DYNC2I2: variants seen among roughly 807,000 people sequenced by gnomAD.
DYNC2I2 encodes dynein 2 intermediate chain 2, also known as cytoplasmic dynein 2 intermediate chain 2.
A neutral mutation model predicts 52.0 loss-of-function variants in DYNC2I2; 39 were observed. The ratio of observed to expected loss-of-function variants is 0.75; its 90% CI spans 0.58 to 0.98. The LOEUF (loss-of-function observed/expected upper bound fraction) is 0.98. DYNC2I2 is among the 50% of genes least tolerant of loss of function. The probability of loss-of-function intolerance (pLI) is 0.00; values close to 1 mark genes in which losing one functional copy is unlikely to be tolerated. For missense variants in DYNC2I2, 743 were observed against 728.4 expected, an observed-to-expected ratio of 1.02 and a Z score of -0.23; for synonymous variants, 359 against 321.1, an observed-to-expected ratio of 1.12 and a Z score of -1.26.
rs1228119429 is a variant in DYNC2I2 at position 128,636,942 on chromosome 9, G to A, written c.521C>T (p.Ser174Phe). ...CCGGCCGTAGGCACAGGCCACCACA[G>A]AGCCAGTGGAGTTCCAGGAGATGCT... The part of the protein sequence containing the change: ...VTSISWNSTG[S>F]VVACAYGRLD... Residue 174 changes from serine to phenylalanine, a missense_variant, in exon 3 of 9, where the codon TCT becomes TTT. By Grantham distance (155) the Ser-to-Phe change is radical. Transcript: ENST00000372715. The A allele has an allele frequency of 6.2e-7, 1 of 1,613,036 alleles. No individual in the cohort carries two copies. Among genetic ancestry groups the A allele is most frequent in the Non-Finnish European group, 8.5e-7 (1 of 1,179,974 alleles).
the DYNC2I2 span, among the ~76,000 whole-genome samples, chr9:128,669,254 A>G: frequency 1.3e-5 from 2 of 151,912 alleles, no homozygotes; most frequent in Non-Finnish European, 2.9e-5. Context: ...AGTCCCAGCT[A>G]CTCGGGAGGC....
the DYNC2I2 span, chr9:128,684,150 G>T: frequency 1.5e-6 from 1 of 669,950 alleles, no homozygotes; most frequent in East Asian, 2.8e-5. Flanking sequence ...GATTAAGTTT[G>T]CGTGAAGAAC....
rs1391779366 is a variant in DYNC2I2, at chr9:128,655,528, G to A, written c.186+1013C>T. Among the ~76,000 whole-genome samples the A allele has an allele frequency of 2.8e-5, 4 of 141,944 alleles. No individual in the cohort carries two copies. The East Asian group carries it at 8.6e-4, about 30-fold the overall frequency. 93.1% of individuals were successfully genotyped at this position (141,944 alleles called of 152,430 possible). On this transcript the variant is annotated intron_variant, in intron 1 of 8. Transcript: ENST00000372715. ...TCCGTCTCCAAAAAAAAAAAAAAGA[G>A]AAAGAAACCAAGTAGCGCCGAAACC... is the stretch of plus-strand genomic sequence containing the variant.
chr9:128,635,467 AGAG>A, intron 5 of DYNC2I2, 188 bp downstream of exon 5: 1 of 801,274 alleles, frequency 1.2e-6, no homozygotes, highest in East Asian at 2.7e-5. Flanking sequence ...CGGTGCCTGC[AGAG>A]GAGGCTGGGA....
the DYNC2I2 span, among the ~76,000 whole-genome samples, chr9:128,679,841 C>T: frequency 1.3e-5 from 2 of 151,710 alleles, no homozygotes; most frequent in African/African-American, 4.8e-5. Context: ...GGAGGGAGAC[C>T]CTATCTCAAA....
At chr9:128,656,906 T>C, upstream of DYNC2I2, 2 of 633,294 alleles carry the variant, frequency 3.2e-6, no homozygotes, top group Non-Finnish European at 4.8e-6. Flanking sequence ...GAGAGAAGCA[T>C]GACCGGTTTT....
the DYNC2I2 span, among the ~76,000 whole-genome samples, chr9:128,670,501 G>C: frequency 1.3e-5 from 2 of 151,616 alleles, no homozygotes; most frequent in African/African-American, 4.8e-5. Flanking sequence ...ACTTTGGGAG[G>C]CTGAGGCGGG....
intron 1 of DYNC2I2, among the ~76,000 whole-genome samples, chr9:128,656,217 A>C (rs932172507): frequency 1.3e-5 from 2 of 152,006 alleles, no homozygotes; most frequent in Admixed American, 6.6e-5. Context: ...TCAAAAAAAA[A>C]AACACAAAAC....
Position 128,640,097 on chromosome 9 carries a change from T to A in DYNC2I2, c.435+594A>T, listed in dbSNP as rs565204772. 2.1e-5 allele frequency among the ~76,000 whole-genome samples: 3 copies of A among 141,788 alleles called. No homozygotes were observed. In the South Asian group the frequency reaches 7.0e-4, roughly 33 times the overall value. The allele number at this position is 141,788 out of a possible 152,430, so 93.0% of individuals were successfully genotyped here. On this transcript the variant is annotated intron_variant, in intron 2 of 8. Coordinates refer to ENST00000372715, the MANE Select transcript of DYNC2I2 (RefSeq NM_052844.4). Reference sequence around the variant, plus strand: ...ACCTCAGCTCACTGCAAGCTCCACCTCCCGGGCTCACGCCATTCTCCTGCC... The same window carrying A: ...ACCTCAGCTCACTGCAAGCTCCACCACCCGGGCTCACGCCATTCTCCTGCC...
chr9:128,648,812 AAG>A (rs752645425), intron 1 of DYNC2I2, among the ~76,000 whole-genome samples: 12,510 of 149,512 alleles, frequency 0.084, 702 homozygotes, highest in African/African-American at 0.16. Context: ...AAAAAAAAAA[AAG>A]AGAGAGAGAA....
chr9:128,683,846 C>T, the DYNC2I2 span: 1 of 1,474,270 alleles, frequency 6.8e-7, no homozygotes, highest in Non-Finnish European at 9.2e-7. Flanking sequence ...CAGCCTGCTT[C>T]CGGACGGGCG....
intron 6 of DYNC2I2, 80 bp from the exon 7 acceptor site, chr9:128,635,001 G>C (rs1860357033): frequency 1.3e-6 from 2 of 1,586,308 alleles, no homozygotes; most frequent in African/African-American, 2.7e-5. Context: ...GAACAGGAGG[G>C]GAGATCACAG....
rs1170201456 is a variant in DYNC2I2, at chr9:128,650,390, T to G, written c.186+6151A>C. 5.5e-5 allele frequency among the ~76,000 whole-genome samples: 3 copies of G among 54,654 alleles called. 1 individual carries two copies. The highest frequency in any genetic ancestry group is 5.7e-4 in the East Asian group (2 of 3,494). 35.9% of individuals were successfully genotyped at this position (54,654 alleles called of 152,430 possible). ...CAATCGCACTTCACAGAAGAGAGAC[T>G]GCGTTACTAGTCCAGGGCCAAGCCA... On this transcript the variant is annotated intron_variant, in intron 1 of 8. Coordinates refer to ENST00000372715, the MANE Select transcript of DYNC2I2 (RefSeq NM_052844.4).
chr9:128,633,809 A>G lies in DYNC2I2; in HGVS notation c.1546T>C (p.Phe516Leu). 1.2e-6 allele frequency: 2 copies of G among 1,613,254 alleles called. No individual in the cohort carries two copies. The highest frequency in any genetic ancestry group is 1.7e-6 in the Non-Finnish European group (2 of 1,179,932). ...TVKVWQLSTE[F>L]TEQGPREAED... ...GCTTCCCGGGGCCCTTGTTCCGTGA[A>G]CTCTGTGCTCAGCTGCCACACCTTC... Residue 516 changes from phenylalanine (F) to leucine (L), a missense_variant, in exon 9 of 9, where the codon TTC becomes CTC. Phe to Leu is a conservative substitution (Grantham distance 22). Coordinates refer to ENST00000372715, the MANE Select transcript of DYNC2I2 (RefSeq NM_052844.4).
At chr9:128,648,754 C>G (rs1370505398) in intron 1 of DYNC2I2, among the ~76,000 whole-genome samples, 3 of 149,374 alleles carry the variant, frequency 2.0e-5, no homozygotes, top group Non-Finnish European at 3.0e-5. Context: ...AAGCCAAGAT[C>G]GTGCCACTGC....
upstream of DYNC2I2, among the ~76,000 whole-genome samples, chr9:128,659,510 A>G (rs112430163): frequency 1.3e-5 from 2 of 150,776 alleles, 1 homozygote; most frequent in Non-Finnish European, 3.0e-5. Flanking sequence ...AAAAAAAAAA[A>G]ACACACACAC....
the DYNC2I2 span, among the ~76,000 whole-genome samples, chr9:128,667,364 C>T: frequency 2.8e-4 from 43 of 152,024 alleles, no homozygotes; most frequent in East Asian, 5.8e-4. Context: ...CTCACACTGT[C>T]GCCCAGGATG....
chr9:128,657,030 G>T (rs1589438884), upstream of DYNC2I2, among the ~76,000 whole-genome samples: 1 of 152,236 alleles, frequency 6.6e-6, no homozygotes, highest in South Asian at 2.1e-4. Flanking sequence ...GAGCAGCCAA[G>T]CGCAGAAGCG....
chr9:128,660,573 G>A (rs780360161), upstream of DYNC2I2, among the ~76,000 whole-genome samples: 23 of 150,390 alleles, frequency 1.5e-4, no homozygotes, highest in Non-Finnish European at 3.3e-4. Flanking sequence ...TTTTTTGTAT[G>A]TTCAGTAGAG....
Sources: gnomAD v4.1 joint callset for allele counts (sites outside exome capture counted in the v4.1 genomes callset) on GRCh38, gnomAD v4.1.1 for gene constraint, MANE v1.5 for transcripts, NCBI Gene and HGNC (gene_info 2026-07-23, HGNC 2026-07-21) for gene names.